Variants in MTMR7 observed in about 807,000 individuals in gnomAD.
MTMR7 encodes phosphatidylinositol-3-phosphate phosphatase MTMR7.
Under a neutral mutation model 81.2 loss-of-function variants are expected in MTMR7, and 76 were observed. That is an observed-to-expected ratio of 0.94 (90% CI 0.78 to 1.13). The LOEUF (loss-of-function observed/expected upper bound fraction) is 1.13. Ranked by LOEUF, MTMR7 falls within the 50% of genes most tolerant of loss-of-function variation. MTMR7 has a pLI of 0.00. For missense variants in MTMR7, 1,044 were observed against 820.0 expected, an observed-to-expected ratio of 1.27 and a Z score of -3.34; for synonymous variants, 372 against 289.8, an observed-to-expected ratio of 1.28 and a Z score of -2.88.
Position 17,413,324 on chromosome 8 carries a change from G to A in MTMR7, c.-32C>T, listed in dbSNP as rs1168221952. 7.2e-6 allele frequency: 11 copies of A among 1,525,956 alleles called. No homozygotes were observed. Among genetic ancestry groups the A allele is most frequent in the East Asian group, 2.7e-5 (1 of 36,996 alleles). The allele number at this position is 1,525,956 out of a possible 1,614,324, so 94.5% of individuals were successfully genotyped here. The stretch of plus-strand genomic sequence containing the variant: ...CCCACGTCTGCAGGGTCCCGGGCGG[G>A]CGCGGCCTCACGCACCTGCGCGCCT... On this transcript the variant is annotated 5_prime_UTR_variant, in exon 1 of 14. Coordinates refer to ENST00000180173, the MANE Select transcript of MTMR7 (RefSeq NM_004686.5).
At chr8:17,352,421 A>T (rs1420615621) in intron 4 of MTMR7, among the ~76,000 whole-genome samples, 1 of 152,190 alleles carries the variant, frequency 6.6e-6, no homozygotes, top group Admixed American at 6.5e-5. Context: ...ACGATGGGTC[A>T]TATCTTGTAC....
chr8:17,327,311 C>T (rs761059968), intron 7 of MTMR7, among the ~76,000 whole-genome samples: 19 of 152,190 alleles, frequency 1.2e-4, no homozygotes, highest in Admixed American at 7.9e-4. Context: ...CTCTCTGTCA[C>T]CCAGGCTGGA....
intron 1 of MTMR7, among the ~76,000 whole-genome samples, chr8:17,397,081 G>C (rs1821275529): frequency 6.6e-6 from 1 of 152,026 alleles, no homozygotes; most frequent in Admixed American, 6.6e-5. Flanking sequence ...TACCCAGGTA[G>C]TACACAGTGG....
chr8:17,359,215 A>C (rs1314339481), intron 4 of MTMR7, among the ~76,000 whole-genome samples: 1 of 152,198 alleles, frequency 6.6e-6, no homozygotes, highest in African/African-American at 2.4e-5. Flanking sequence ...GTATTAATAA[A>C]GAAATACTTT....
Position 17,379,955 on chromosome 8 carries a change from G to A in MTMR7, c.25-6715C>T, listed in dbSNP as rs543604758. Among the ~76,000 whole-genome samples, 4 of 152,238 alleles carry A rather than the reference G, an allele frequency of 2.6e-5. No homozygotes were observed. In the South Asian group the frequency reaches 8.3e-4, roughly 32 times the overall value. On this transcript the variant is annotated intron_variant, in intron 1 of 13. Transcript: ENST00000180173. ...AGAACAGTTGGCTATATACCATAAC[G>A]CACTGAGGGTTTGGAGGAGGGGAGA...
Position 17,382,049 on chromosome 8 carries a change from A to G in MTMR7, c.25-8809T>C, listed in dbSNP as rs77236417. Among the ~76,000 whole-genome samples the G allele has an allele frequency of 4.1e-3, 631 of 152,322 alleles. 2 individuals are homozygous for G. Among genetic ancestry groups the G allele is most frequent in the African/African-American group, 0.015 (603 of 41,586 alleles). The stretch of plus-strand genomic sequence containing the variant: ...TCATAGACTACCTACGAGGATACAA[A>G]ATGGCAACAGTGAAAATGCATACAA... On this transcript the variant is annotated intron_variant, in intron 1 of 13. Coordinates refer to ENST00000180173, the MANE Select transcript of MTMR7 (RefSeq NM_004686.5).
chr8:17,308,716 G>C (rs1451086942), intron 10 of MTMR7, among the ~76,000 whole-genome samples: 2 of 152,094 alleles, frequency 1.3e-5, no homozygotes, highest in Non-Finnish European at 2.9e-5. Flanking sequence ...CAACAGCTTT[G>C]GCATCCCCAT....
intron 6 of MTMR7, among the ~76,000 whole-genome samples, chr8:17,337,199 C>A (rs1484374021): frequency 6.6e-6 from 1 of 151,934 alleles, no homozygotes. Context: ...CCCGTCTCTA[C>A]TAAAAATACA....
chr8:17,386,490 G>C (rs1009074958), intron 1 of MTMR7, among the ~76,000 whole-genome samples: 3 of 152,216 alleles, frequency 2.0e-5, no homozygotes, highest in African/African-American at 7.2e-5. Context: ...AACCTCATAT[G>C]GCTTGAGCCA....
At chr8:17,392,854 G>T (rs568264207) in intron 1 of MTMR7, among the ~76,000 whole-genome samples, 1 of 152,302 alleles carries the variant, frequency 6.6e-6, no homozygotes, top group Non-Finnish European at 1.5e-5. Context: ...CAAATTTCAT[G>T]GAAGTTCTTT....
At chr8:17,349,379 A>G (rs59651127) in intron 4 of MTMR7, 11,773 of 228,984 alleles carry the variant, frequency 0.051, 1,441 homozygotes, top group African/African-American at 0.25. Flanking sequence ...CCTTTCATCA[A>G]AAAGAGACAA....
At position 17,304,412 on chromosome 8, in the gene MTMR7, T is replaced by C. The variant is rs184457832; in HGVS notation, c.1460A>G (p.His487Arg). The C allele has an allele frequency of 3.1e-6, 5 of 1,613,888 alleles. No homozygotes were observed. Among genetic ancestry groups the C allele is most frequent in the East Asian group, 2.2e-5 (1 of 44,880 alleles). The change falls in exon 12 of 14, where the codon CAT (histidine) becomes CGT (arginine). Residue 487 changes from histidine to arginine, a missense_variant. Coordinates refer to ENST00000180173, the MANE Select transcript of MTMR7 (RefSeq NM_004686.5). ...ADHSQTQGTL[H>R]LPTTPCNFMY... ...GAAGTTACATGGTGTTGTAGGGAGA[T>C]GAAGGGTTCCCTGAGTCTGGCTGTG...
At chr8:17,360,830 C>T (rs1820036719) in intron 4 of MTMR7, among the ~76,000 whole-genome samples, 1 of 152,124 alleles carries the variant, frequency 6.6e-6, no homozygotes, top group African/African-American at 2.4e-5. Flanking sequence ...CCAGCTCTCC[C>T]ACCAACTGCC....
chr8:17,370,396 C>T (rs1820381306), intron 3 of MTMR7, among the ~76,000 whole-genome samples: 3 of 151,634 alleles, frequency 2.0e-5, no homozygotes. Context: ...TGGTGGGCAC[C>T]TGTAGTCCAG....
chr8:17,305,886 T>A lies in MTMR7; in HGVS notation c.1223A>T (p.Gln408Leu), dbSNP rs1159758373. Residue 408 changes from glutamine (Q) to leucine (L), a missense_variant, in exon 11 of 14, where the codon CAG becomes CTG. Transcript: ENST00000180173. ...VIDQFIECVW[Q>L]LMEQFPCAFE... ...GGCACAGGGAAATTGTTCCATTAAC[T>A]GCCAAACACACTCAATGAACTGGTC... The A allele has an allele frequency of 6.2e-7, 1 of 1,613,818 alleles. No homozygotes were observed. Among genetic ancestry groups the A allele is most frequent in the Non-Finnish European group, 8.5e-7 (1 of 1,179,764 alleles).
At chr8:17,310,723 G>A (rs1392649169) in intron 9 of MTMR7, among the ~76,000 whole-genome samples, 13 of 152,290 alleles carry the variant, frequency 8.5e-5, no homozygotes. Flanking sequence ...GTCCGAGGGT[G>A]TTGCTGATAT....
intron 7 of MTMR7, among the ~76,000 whole-genome samples, chr8:17,327,645 A>T (rs114041137): frequency 0.33 from 50,551 of 151,320 alleles, 11,254 homozygotes; most frequent in African/African-American, 0.63. Flanking sequence ...ACCTGGTAAA[A>T]AAAAAAACTA....
chr8:17,407,681 T>C (rs1376465350), intron 1 of MTMR7, among the ~76,000 whole-genome samples: 2 of 151,504 alleles, frequency 1.3e-5, no homozygotes, highest in African/African-American at 2.4e-5. Flanking sequence ...AACTACAAAA[T>C]TGAACTGGGT....
intron 4 of MTMR7, among the ~76,000 whole-genome samples, chr8:17,353,486 T>A (rs915278118): frequency 6.6e-6 from 1 of 152,234 alleles, no homozygotes; most frequent in Non-Finnish European, 1.5e-5. Context: ...AATCTTAGCA[T>A]TGACTGCTGC....
Sources: allele counts gnomAD v4.1 joint callset (sites outside exome capture counted in the v4.1 genomes callset), GRCh38; gene constraint gnomAD v4.1.1; transcripts MANE v1.5; gene names NCBI Gene and HGNC (gene_info 2026-07-23, HGNC 2026-07-21).